The following CDKAL1 variants were observed in gnomAD, a reference collection of about 807,000 sequenced individuals.
The protein encoded by CDKAL1 is CDKAL1 threonylcarbamoyladenosine tRNA methylthiotransferase, also known as threonylcarbamoyladenosine tRNA methylthiotransferase.
Under a neutral mutation model 68.2 loss-of-function variants are expected in CDKAL1, and 32 were observed. The ratio of observed to expected loss-of-function variants is 0.47; its 90% CI spans 0.35 to 0.63. The LOEUF (loss-of-function observed/expected upper bound fraction) is 0.63. CDKAL1 is among the 30% of genes least tolerant of loss of function. The probability of loss-of-function intolerance (pLI) is 0.00; values close to 1 mark genes in which losing one functional copy is unlikely to be tolerated. For missense variants in CDKAL1, 606 were observed against 696.7 expected (o/e 0.87, Z 1.47); for synonymous variants, 234 against 244.3 (o/e 0.96, Z 0.39).
chr6:21,023,088 GT>G (rs926085193), intron 11 of CDKAL1, among the ~76,000 whole-genome samples: 69 of 148,274 alleles, frequency 4.7e-4, no homozygotes, highest in African/African-American at 1.1e-3. Context: ...CTTAATGTAA[GT>G]TTTTTTTTTA....
intron 8 of CDKAL1, among the ~76,000 whole-genome samples, chr6:20,813,108 GTCTGTC>G (rs1357685836): frequency 2.0e-5 from 3 of 151,786 alleles, no homozygotes; most frequent in African/African-American, 7.3e-5. Flanking sequence ...CTCTCTCCTT[GTCTGTC>G]TCTGTCTCTG....
At chr6:20,708,201 C>A (rs1444558150) in intron 5 of CDKAL1, among the ~76,000 whole-genome samples, 1 of 152,156 alleles carries the variant, frequency 6.6e-6, no homozygotes, top group Non-Finnish European at 1.5e-5. Context: ...AAATAAGGAA[C>A]CCAAGTCATT....
chr6:21,102,994 GA>G (rs1324455828), intron 12 of CDKAL1, among the ~76,000 whole-genome samples: 1 of 152,216 alleles, frequency 6.6e-6, no homozygotes, highest in African/African-American at 2.4e-5. Context: ...AAGGCTTGCA[GA>G]ACATTTAAAT....
Position 20,885,893 on chromosome 6 carries a change from G to T in CDKAL1, c.742+39715G>T, listed in dbSNP as rs111443980. Among the ~76,000 whole-genome samples, 490 of 152,150 alleles carry T rather than the reference G, an allele frequency of 3.2e-3. 1 individual carries two copies. The highest frequency in any genetic ancestry group is 0.011 in the African/African-American group (467 of 41,500). ...AGGTCAGAAGTTGGAGACCAGCTTG[G>T]CCAATATGGTGAAACCCCATCTCTA... On this transcript the variant is annotated intron_variant, in intron 9 of 15. Coordinates refer to ENST00000274695, the MANE Select transcript of CDKAL1 (RefSeq NM_017774.3).
At chr6:20,754,193 G>A (rs1176488401) in intron 6 of CDKAL1, among the ~76,000 whole-genome samples, 5 of 152,116 alleles carry the variant, frequency 3.3e-5, no homozygotes, top group African/African-American at 1.2e-4. Flanking sequence ...TGTTGCCCAA[G>A]CTGGGCTCAA....
In CDKAL1 at chr6:20,749,016, G is replaced by A. The variant is rs142237553; in HGVS notation, c.468+9401G>A. ...GTGTGTGTATATATATATATAAAAT[G>A]TATTCACTTCTTTTACTCCTGAAAG... On this transcript the variant is annotated intron_variant, in intron 6 of 15. Transcript: ENST00000274695. Among the ~76,000 whole-genome samples the A allele has an allele frequency of 3.0e-3, 418 of 139,344 alleles. 3 individuals carry two copies. Among genetic ancestry groups the A allele is most frequent in the African/African-American group, 0.011 (399 of 35,428 alleles). 91.4% of individuals were successfully genotyped at this position (139,344 alleles called of 152,430 possible).
intron 5 of CDKAL1, among the ~76,000 whole-genome samples, chr6:20,682,920 A>G (rs1461952838): frequency 6.8e-6 from 1 of 146,974 alleles, no homozygotes; most frequent in Non-Finnish European, 1.5e-5. Context: ...TTTTCCTTCC[A>G]CTTAAAATAG....
At chr6:21,104,541 T>C (rs1228353206) in intron 12 of CDKAL1, among the ~76,000 whole-genome samples, 1 of 150,228 alleles carries the variant, frequency 6.7e-6, no homozygotes, top group East Asian at 1.9e-4. Context: ...CAACAGGCAG[T>C]GGGTCAGATT....
chr6:21,211,951 A>C (rs948709131), intron 15 of CDKAL1, among the ~76,000 whole-genome samples: 1 of 151,796 alleles, frequency 6.6e-6, no homozygotes, highest in African/African-American at 2.4e-5. Context: ...TGTAGAGATG[A>C]GGTCTCATTA....
intron 4 of CDKAL1, among the ~76,000 whole-genome samples, chr6:20,617,855 G>A (rs1448312647): frequency 1.3e-5 from 2 of 152,122 alleles, no homozygotes; most frequent in Non-Finnish European, 2.9e-5. Context: ...CTTTGCTATT[G>A]TGAATAGTGC....
At chr6:20,590,473 C>T (rs1344896006) in intron 4 of CDKAL1, among the ~76,000 whole-genome samples, 1 of 152,116 alleles carries the variant, frequency 6.6e-6, no homozygotes, top group Non-Finnish European at 1.5e-5. Context: ...CCATCATCTA[C>T]ATTAGGTATT....
intron 12 of CDKAL1, among the ~76,000 whole-genome samples, chr6:21,093,245 C>T (rs979871433): frequency 6.6e-6 from 1 of 152,134 alleles, no homozygotes; most frequent in African/African-American, 2.4e-5. Context: ...CAACAGCACC[C>T]AGAGAAGAAA....
intron 13 of CDKAL1, among the ~76,000 whole-genome samples, chr6:21,153,011 CCCTACTATATAAAG>C (rs1776486777): frequency 6.6e-6 from 1 of 152,122 alleles, no homozygotes; most frequent in South Asian, 2.1e-4. Context: ...TATTTAATCA[CCCTACTATATAAAG>C]CCATTTGAAT....
intron 9 of CDKAL1, among the ~76,000 whole-genome samples, chr6:20,901,502 G>A (rs189565379): frequency 7.9e-5 from 12 of 151,042 alleles, no homozygotes; most frequent in East Asian, 4.0e-4. Context: ...GTGAAACCCT[G>A]TCTCTACTAA....
chr6:21,209,453 C>T (rs1407262717), intron 15 of CDKAL1, among the ~76,000 whole-genome samples: 3 of 152,108 alleles, frequency 2.0e-5, no homozygotes, highest in Non-Finnish European at 2.9e-5. Flanking sequence ...TATCCAGGAA[C>T]GGAATGAAAT....
At chr6:21,062,906 T>G (rs1322798267) in intron 11 of CDKAL1, among the ~76,000 whole-genome samples, 1 of 151,256 alleles carries the variant, frequency 6.6e-6, no homozygotes, top group Non-Finnish European at 1.5e-5. Context: ...TAGAACTGTT[T>G]TTTGTTTGTT....
At chr6:20,581,264 G>T (rs1765134261) in intron 4 of CDKAL1, among the ~76,000 whole-genome samples, 1 of 152,060 alleles carries the variant, frequency 6.6e-6, no homozygotes, top group South Asian at 2.1e-4. Context: ...CATAAAATTT[G>T]CTGACTGTGT....
At chr6:20,735,467 A>G (rs1773147049) in intron 5 of CDKAL1, among the ~76,000 whole-genome samples, 1 of 152,102 alleles carries the variant, frequency 6.6e-6, no homozygotes, top group Non-Finnish European at 1.5e-5. Flanking sequence ...AGAACTTACT[A>G]TCATGAGAAC....
intron 13 of CDKAL1, among the ~76,000 whole-genome samples, chr6:21,148,218 A>G (rs1442024619): frequency 2.6e-5 from 4 of 152,230 alleles, no homozygotes; most frequent in Non-Finnish European, 4.4e-5. Context: ...GAAGGCAGAC[A>G]GGAAGGTGGG....
Sources: allele counts gnomAD v4.1 joint callset (sites outside exome capture counted in the v4.1 genomes callset), GRCh38; gene constraint gnomAD v4.1.1; transcripts MANE v1.5; gene names NCBI Gene and HGNC (gene_info 2026-07-23, HGNC 2026-07-21).